Variants in FBXO41 observed in about 807,000 individuals in gnomAD.
FBXO41 encodes F-box protein 41, also known as F-box only protein 41.
FBXO41 carries 33 observed loss-of-function variants against 81.6 expected under a neutral mutation model. That is an observed-to-expected ratio of 0.40 (90% confidence interval 0.31 to 0.54). The LOEUF is 0.54. Among genes scored for constraint, FBXO41 ranks in the 20% least tolerant of loss-of-function variants. The probability of loss-of-function intolerance (pLI) is 0.39; values close to 1 mark genes in which losing one functional copy is unlikely to be tolerated. For synonymous variants in FBXO41, 576 were observed against 552.7 expected (o/e 1.04, Z -0.59); for missense variants, 1,107 against 1,236.0 (o/e 0.90, Z 1.56).
intron 9 of FBXO41, among the ~76,000 whole-genome samples, chr2:73,262,240 A>G (rs2103857607): frequency 6.6e-6 from 1 of 152,286 alleles, no homozygotes; most frequent in East Asian, 1.9e-4. Flanking sequence ...AAATAAAAAA[A>G]AAAAAAGAAA....
At chr2:73,276,599 AGAGAGG>A (rs1310704515) in intron 1 of FBXO41, among the ~76,000 whole-genome samples, 5 of 95,138 alleles carry the variant, frequency 5.3e-5, no homozygotes, top group African/African-American at 1.1e-4. Flanking sequence ...AGAGAGAGAG[AGAGAGG>A]GAGAGAGGGA....
chr2:73,258,935 G>GT lies in FBXO41; in HGVS notation c.*46dup. On this transcript the variant is annotated 3_prime_UTR_variant, in exon 13 of 13. Coordinates refer to ENST00000520530, the MANE Select transcript of FBXO41 (RefSeq NM_001371389.2). ...AGGGTCCCTCTGAGGTCCAAAGAGA[G>GT]TGCCCTGGTGTGGGGCTGGCAGGGG... 1 of 1,528,740 alleles carries GT rather than the reference G, an allele frequency of 6.5e-7. No homozygotes were observed. The highest frequency in any genetic ancestry group is 1.2e-5 in the South Asian group (1 of 81,226). 94.7% of individuals were successfully genotyped at this position (1,528,740 alleles called of 1,614,324 possible). A position where few individuals can be genotyped will look rare whatever the true frequency, so the allele number is the denominator to read the frequency against.
At chr2:73,277,388 GTGT>G (rs1480017817) in intron 1 of FBXO41, among the ~76,000 whole-genome samples, 1 of 152,200 alleles carries the variant, frequency 6.6e-6, no homozygotes, top group African/African-American at 2.4e-5. Context: ...GAAAACAGAA[GTGT>G]TGTTCAAATT....
chr2:73,264,572 G>T, intron 5 of FBXO41, 53 bp from the exon 6 acceptor site: 1 of 1,604,316 alleles, frequency 6.2e-7, no homozygotes, highest in South Asian at 1.1e-5. Context: ...GGCTGGTGTG[G>T]GGATGTGTGT....
chr2:73,263,455 T>C lies in FBXO41; in HGVS notation c.2076-147A>G, dbSNP rs555468656. The C allele has an allele frequency of 8.5e-5, 65 of 761,266 alleles. No homozygotes were observed. In the African/African-American group the frequency reaches 1.0e-3, roughly 12 times the overall value. 47.2% of individuals were successfully genotyped at this position (761,266 alleles called of 1,614,324 possible). ...GCAATACGGCGAGACCCCGTCTCCA[T>C]TTAAAAAAAAAAAAAGAAAGAAAGA... On this transcript the variant is annotated intron_variant, in intron 8 of 12. Coordinates refer to ENST00000520530, the MANE Select transcript of FBXO41 (RefSeq NM_001371389.2).
intron 1 of FBXO41, among the ~76,000 whole-genome samples, chr2:73,271,669 C>T (rs1030813444): frequency 1.4e-5 from 2 of 145,228 alleles, no homozygotes. Context: ...CTCACTCTTT[C>T]ACCTGGGCTG....
At position 73,266,504 on chromosome 2, in the gene FBXO41, C is replaced by T; in HGVS notation, c.1084G>A (p.Gly362Ser). The T allele has an allele frequency of 1.3e-6, 2 of 1,591,854 alleles. No individual in the cohort carries two copies. Among genetic ancestry groups the T allele is most frequent in the Non-Finnish European group, 8.5e-7 (1 of 1,170,174 alleles). The change falls in exon 3 of 13, where the codon GGT (glycine) becomes AGT (serine). Residue 362 changes from glycine (G) to serine (S), a missense_variant. Coordinates refer to ENST00000520530, the MANE Select transcript of FBXO41 (RefSeq NM_001371389.2). This position sits in a 1 kb window ranked among gnomAD's most constrained non-coding sequence, Gnocchi z 5.3. ...TTGGGTCCAGCACCACCGCCCCCAC[C>T]TCCACGGCCCAGGCTGGCGCTGGGC... ...STPSASLGRG[G>S]GGGGAGPNAR...
chr2:73,258,965 G>A lies in FBXO41; in HGVS notation c.*17C>T, dbSNP rs1222032468. Reference sequence around the variant, plus strand: ...CTGGTGTGGGGCTGGCAGGGGCCCTGCCGCCCCCTACCCGGGTTAGCAGCC... The same window carrying A: ...CTGGTGTGGGGCTGGCAGGGGCCCTACCGCCCCCTACCCGGGTTAGCAGCC... On this transcript the variant is annotated 3_prime_UTR_variant, in exon 13 of 13. Transcript: ENST00000520530. The A allele has an allele frequency of 2.6e-6, 4 of 1,561,900 alleles. No homozygotes were observed. Among genetic ancestry groups the A allele is most frequent in the East Asian group, 2.4e-5 (1 of 41,534 alleles).
chr2:73,270,158 A>T (rs533078902), intron 1 of FBXO41, among the ~76,000 whole-genome samples: 1 of 152,212 alleles, frequency 6.6e-6, no homozygotes, highest in East Asian at 1.9e-4. Flanking sequence ...GTTGCATGAA[A>T]GAAGCCAGAC....
Position 73,269,482 on chromosome 2 carries a change from C to G in FBXO41, c.149G>C (p.Gly50Ala), listed in dbSNP as rs1574386779. 1 of 1,285,274 alleles carries G rather than the reference C, an allele frequency of 7.8e-7. No individual in the cohort carries two copies. The highest frequency in any genetic ancestry group is 2.0e-5 in the South Asian group (1 of 49,394). 79.6% of individuals were successfully genotyped at this position (1,285,274 alleles called of 1,614,324 possible). A position where few individuals can be genotyped will look rare whatever the true frequency, so the allele number is the denominator to read the frequency against. Residue 50 changes from glycine (G) to alanine (A), a missense_variant, in exon 2 of 13, where the codon GGC becomes GCC. Physicochemically the swap from Gly to Ala is moderately conservative, Grantham distance 60 (BLOSUM62 0). Transcript: ENST00000520530. The surrounding 1 kb of genome is among the most constrained non-coding windows in gnomAD (Gnocchi z 7.0). The part of the protein sequence containing the change: ...ILSKTNSICD[G>A]AAAAAAAAAA... ...GGCGGCGGCCGCGGCGGCGGCGGCGCCGTCGCAGATGCTGTTGGTCTTGGA... is the reference window on the plus strand; with the variant it reads ...GGCGGCGGCCGCGGCGGCGGCGGCGGCGTCGCAGATGCTGTTGGTCTTGGA...
rs918552123 is a variant in FBXO41 at position 73,267,607 on chromosome 2, A to G, written c.906-925T>C. ...ATGGAGTTTATATGACAATGGGGAC[A>G]CATAAATAACATCTATATACAAATG... On this transcript the variant is annotated intron_variant, in intron 2 of 12. Transcript: ENST00000520530. 2.6e-5 allele frequency among the ~76,000 whole-genome samples: 4 copies of G among 152,372 alleles called. No individual in the cohort carries two copies. The South Asian group carries it at 6.2e-4, about 24-fold the overall frequency.
chr2:73,265,668 G>A (rs770204099), intron 4 of FBXO41, 28 bp from the exon 5 acceptor site: 2 of 1,478,310 alleles, frequency 1.4e-6, no homozygotes, highest in African/African-American at 1.4e-5. Flanking sequence ...ACACAGTAAG[G>A]GGTAAGAGGC....
chr2:73,274,129 A>G (rs1574390172), intron 1 of FBXO41, among the ~76,000 whole-genome samples: 1 of 151,780 alleles, frequency 6.6e-6, no homozygotes, highest in Admixed American at 6.6e-5. Context: ...CTCTGCTCAG[A>G]CTCCTTCAAG....
At chr2:73,268,603 A>G in intron 2 of FBXO41, 123 bp downstream of exon 2, 2 of 934,932 alleles carry the variant, frequency 2.1e-6, no homozygotes, top group South Asian at 3.6e-5. Context: ...GCTCCTGGCC[A>G]CGGATCCTCT....
rs1272750886 is a variant in FBXO41, at chr2:73,284,074, G to T, written c.-139+86C>A. 1 of 152,358 alleles carries T rather than the reference G, an allele frequency of 6.6e-6. No homozygotes were observed. The highest frequency in any genetic ancestry group is 1.5e-5 in the Non-Finnish European group (1 of 68,146). The allele number at this position is 152,358 out of a possible 1,614,324, so 9.4% of individuals were successfully genotyped here. ...CCTCCGGAGGGCTGTGAAGGAGCCG[G>T]AAGGGGAAGAAGGGACAGTGGCTGG... On this transcript the variant is annotated intron_variant, in intron 1 of 12. Transcript: ENST00000520530. The surrounding 1 kb of genome is among the most constrained non-coding windows in gnomAD (Gnocchi z 7.4).
chr2:73,265,299 C>T lies in FBXO41; in HGVS notation c.1547G>A (p.Ser516Asn), dbSNP rs1393829143. Residue 516 changes from serine (S) to asparagine (N), a missense_variant, in exon 5 of 13, where the codon AGC becomes AAC. Ser to Asn is a conservative substitution (Grantham distance 46). Coordinates refer to ENST00000520530, the MANE Select transcript of FBXO41 (RefSeq NM_001371389.2). The stretch of plus-strand genomic sequence containing the variant: ...GGACCTACCTGAGAGCCGGCAGCTG[C>T]TCAATGGCCCAGCCATAGCAGGCCC... ...RPGPAMAGPLSSCRLSARPEG... is the reference protein window; with the variant it reads ...RPGPAMAGPLNSCRLSARPEG... The T allele has an allele frequency of 6.2e-7, 1 of 1,607,442 alleles. No individual in the cohort carries two copies. The highest frequency in any genetic ancestry group is 8.5e-7 in the Non-Finnish European group (1 of 1,178,238).
chr2:73,258,709 C>T lies in FBXO41; in HGVS notation c.*273G>A. 2.3e-6 allele frequency: 1 copy of T among 436,548 alleles called. No homozygotes were observed. The highest frequency in any genetic ancestry group is 5.9e-4 in the Middle Eastern group (1 of 1,682). The allele number at this position is 436,548 out of a possible 1,614,324, so 27.0% of individuals were successfully genotyped here. ...CACCAGGCGCTGGTGGTGACAGCTC[C>T]TCACTGGCTGTGCCAGAGGCTACTC... On this transcript the variant is annotated 3_prime_UTR_variant, in exon 13 of 13. Coordinates refer to ENST00000520530, the MANE Select transcript of FBXO41 (RefSeq NM_001371389.2).
chr2:73,266,760 G>A lies in FBXO41; in HGVS notation c.906-78C>T, dbSNP rs1574383861. 1.2e-5 allele frequency: 17 copies of A among 1,454,274 alleles called. No homozygotes were observed. The South Asian group carries it at 2.5e-4, about 21-fold the overall frequency. 90.1% of individuals were successfully genotyped at this position (1,454,274 alleles called of 1,614,324 possible). The stretch of plus-strand genomic sequence containing the variant: ...CCCTCTGGAGGAGAGCCTGGCCAGT[G>A]CGGGGAGACACTGGCACAGCTGCCT... On this transcript the variant is annotated intron_variant, in intron 2 of 12. Coordinates refer to ENST00000520530, the MANE Select transcript of FBXO41 (RefSeq NM_001371389.2). This position sits in a 1 kb window ranked among gnomAD's most constrained non-coding sequence, Gnocchi z 5.3.
At chr2:73,273,707 C>A (rs572334632) in intron 1 of FBXO41, among the ~76,000 whole-genome samples, 10 of 152,340 alleles carry the variant, frequency 6.6e-5, no homozygotes, top group Non-Finnish European at 1.0e-4. Context: ...GATATTTGAG[C>A]ATCCACATCC....
Sources: gnomAD v4.1 joint callset for allele counts (sites outside exome capture counted in the v4.1 genomes callset) on GRCh38, gnomAD v4.1.1 for gene constraint, Gnocchi (gnomAD v3.1) non-coding constraint, MANE v1.5 for transcripts, NCBI Gene and HGNC (gene_info 2026-07-23, HGNC 2026-07-21) for gene names.